The following LRRC1 variants were observed in gnomAD, a reference collection of about 807,000 sequenced individuals.
LRRC1 encodes leucine rich repeat containing 1.
A neutral mutation model predicts 69.9 loss-of-function variants in LRRC1; 28 were observed. The ratio of observed to expected loss-of-function variants is 0.40; its 90% CI spans 0.30 to 0.55. The LOEUF is 0.55. Ranked by LOEUF, LRRC1 falls within the 20% of genes least tolerant of loss-of-function variation. The probability of loss-of-function intolerance (pLI) is 0.47; values close to 1 mark genes in which losing one functional copy is unlikely to be tolerated. For missense variants in LRRC1, 498 were observed against 609.0 expected (o/e 0.82, Z 1.92); for synonymous variants, 236 against 240.2 (o/e 0.98, Z 0.16).
chr6:53,807,495 C>T (rs1263591312), intron 1 of LRRC1, among the ~76,000 whole-genome samples: 33 of 152,210 alleles, frequency 2.2e-4, no homozygotes, highest in Admixed American at 2.2e-3. Flanking sequence ...CCTGTAATCC[C>T]AGCACTTTGG....
intron 4 of LRRC1, among the ~76,000 whole-genome samples, chr6:53,896,107 C>T (rs1767862542): frequency 6.6e-6 from 1 of 152,208 alleles, no homozygotes; most frequent in Admixed American, 6.5e-5. Context: ...AAAGGTGCTA[C>T]TGTTTTATGG....
At chr6:53,822,982 G>A (rs559297482) in intron 1 of LRRC1, among the ~76,000 whole-genome samples, 1 of 152,142 alleles carries the variant, frequency 6.6e-6, no homozygotes, top group Non-Finnish European at 1.5e-5. Flanking sequence ...TCTTCCAGCT[G>A]AGCCATCACA....
chr6:53,827,850 G>A (rs1170964546), intron 1 of LRRC1, among the ~76,000 whole-genome samples: 3 of 152,132 alleles, frequency 2.0e-5, no homozygotes, highest in African/African-American at 7.2e-5. Context: ...ATATGAGCAA[G>A]CATTTTATAA....
In LRRC1 at chr6:53,838,681, G is replaced by T. The variant is rs763958289; in HGVS notation, c.160-3429G>T. On this transcript the variant is annotated intron_variant, in intron 1 of 13. Coordinates refer to ENST00000370888, the MANE Select transcript of LRRC1 (RefSeq NM_018214.5). Reference sequence around the variant, plus strand: ...TACGTGACTCTATTGAATGGCTTTTGTGCTGGCTGATGCTTTAGTTCAGCC... The same window carrying T: ...TACGTGACTCTATTGAATGGCTTTTTTGCTGGCTGATGCTTTAGTTCAGCC... 5.9e-5 allele frequency among the ~76,000 whole-genome samples: 9 copies of T among 152,144 alleles called. No homozygotes were observed. The East Asian group carries it at 7.7e-4, about 13-fold the overall frequency.
At chr6:53,854,835 A>G (rs1766259535) in intron 2 of LRRC1, among the ~76,000 whole-genome samples, 1 of 152,262 alleles carries the variant, frequency 6.6e-6, no homozygotes, top group Admixed American at 6.5e-5. Context: ...TATTCACTTA[A>G]CATAGGTTGT....
intron 2 of LRRC1, among the ~76,000 whole-genome samples, chr6:53,856,101 G>A (rs997885285): frequency 1.3e-5 from 2 of 152,178 alleles, no homozygotes; most frequent in African/African-American, 4.8e-5. Context: ...TAAACTCAAA[G>A]AAATGTTCTA....
chr6:53,822,791 C>G (rs1458435492), intron 1 of LRRC1, among the ~76,000 whole-genome samples: 1 of 152,150 alleles, frequency 6.6e-6, no homozygotes, highest in East Asian at 1.9e-4. Flanking sequence ...GGAAGAACAG[C>G]TACATAAAGA....
chr6:53,919,294 CAG>C (rs1768666025), intron 11 of LRRC1: 1 of 185,932 alleles, frequency 5.4e-6, no homozygotes, highest in African/African-American at 3.0e-5. Context: ...GAAGTGAGAG[CAG>C]AAAAGGGAAG....
chr6:53,882,209 G>C (rs1024277340), intron 3 of LRRC1, among the ~76,000 whole-genome samples: 6 of 152,154 alleles, frequency 3.9e-5, no homozygotes, highest in Admixed American at 3.3e-4. Flanking sequence ...TTATCTGGGC[G>C]TGGTGGCGCG....
chr6:53,808,598 A>G (rs546852809), intron 1 of LRRC1, among the ~76,000 whole-genome samples: 23 of 152,242 alleles, frequency 1.5e-4, no homozygotes, highest in African/African-American at 5.5e-4. Context: ...TGGGACATGG[A>G]GAGGGTAAAT....
chr6:53,795,294 A>C lies in LRRC1; in HGVS notation c.38A>C (p.His13Pro), dbSNP rs1301120399. 8.7e-6 allele frequency: 14 copies of C among 1,612,900 alleles called. No individual in the cohort carries two copies. Among genetic ancestry groups the C allele is most frequent in the Non-Finnish European group, 1.2e-5 (14 of 1,179,860 alleles). The change falls in exon 1 of 14, where the codon CAT becomes CCT. Residue 13 changes from histidine (H) to proline (P), a missense_variant. Transcript: ENST00000370888. ...ATCCCCCTGTGGCGGTGCAACCGTC[A>C]TGTGGAGAGCATCGACAAGCGCCAC... ...HCIPLWRCNR[H>P]VESIDKRHCS...
chr6:53,893,534 C>T (rs1767769552), intron 4 of LRRC1, among the ~76,000 whole-genome samples: 1 of 151,936 alleles, frequency 6.6e-6, no homozygotes, highest in African/African-American at 2.4e-5. Context: ...TCTGAAATGC[C>T]CCCAAATCTG....
chr6:53,854,196 G>A (rs1029109748), intron 2 of LRRC1, among the ~76,000 whole-genome samples: 4 of 152,172 alleles, frequency 2.6e-5, no homozygotes, highest in Admixed American at 6.5e-5. Context: ...CCTCTTTGAA[G>A]TTCTTCTTTG....
At chr6:53,921,902 T>C (rs937592297) in intron 13 of LRRC1, among the ~76,000 whole-genome samples, 1 of 152,250 alleles carries the variant, frequency 6.6e-6, no homozygotes, top group African/African-American at 2.4e-5. Context: ...AGTGTGATTA[T>C]CACCAGTGAC....
chr6:53,798,137 C>T (rs9382237), intron 1 of LRRC1, among the ~76,000 whole-genome samples: 124,241 of 152,206 alleles, frequency 0.82, 51,000 homozygotes, highest in East Asian at 0.92. Context: ...AAGGACACCA[C>T]GGTTAAACTA....
intron 10 of LRRC1, among the ~76,000 whole-genome samples, chr6:53,908,531 T>G (rs1768309842): frequency 6.6e-6 from 1 of 152,150 alleles, no homozygotes; most frequent in South Asian, 2.1e-4. Context: ...ATTAAAGACA[T>G]GATATAGAAT....
At chr6:53,897,428 C>A in intron 7 of LRRC1, 69 bp downstream of exon 7, 2 of 1,125,998 alleles carry the variant, frequency 1.8e-6, no homozygotes, top group Non-Finnish European at 2.6e-6. Flanking sequence ...GTATTTCCTG[C>A]TGCCACATAA....
rs529697111 is a variant in LRRC1 at position 53,797,575 on chromosome 6, C to T, written c.159+2160C>T. Among the ~76,000 whole-genome samples the T allele has an allele frequency of 3.3e-5, 5 of 152,072 alleles. No individual in the cohort carries two copies. The South Asian group carries it at 6.2e-4, about 19-fold the overall frequency. On this transcript the variant is annotated intron_variant, in intron 1 of 13. Transcript: ENST00000370888. ...TGTCTCCTTACCTGCCACACACAAG[C>T]GCATCTGTTTTGTTCACAAGCCTCA...
At position 53,904,438 on chromosome 6, in the gene LRRC1, T is replaced by C. The variant is rs1390813874; in HGVS notation, c.966T>C (p.Asn322=). 1.2e-6 allele frequency: 2 copies of C among 1,610,718 alleles called. No individual in the cohort carries two copies. Among genetic ancestry groups the C allele is most frequent in the Admixed American group, 1.7e-5 (1 of 59,796 alleles). The change falls in exon 10 of 14, where the codon AAT becomes AAC. Residue 322 remains asparagine, a synonymous_variant. Coordinates refer to ENST00000370888, the MANE Select transcript of LRRC1 (RefSeq NM_018214.5). ...TGAGCAACTTGAATGCAGACAGAAA[T>C]AAATTAGTGTCCTTACCAAAAGAGG... ...KKLSNLNADR[N]KLVSLPKEIG...
Sources: allele counts gnomAD v4.1 joint callset (sites outside exome capture counted in the v4.1 genomes callset), GRCh38; gene constraint gnomAD v4.1.1; transcripts MANE v1.5; gene names NCBI Gene and HGNC (gene_info 2026-07-23, HGNC 2026-07-21).